MTUS2: variants seen among roughly 807,000 people sequenced by gnomAD.
MTUS2 encodes microtubule-associated tumor suppressor candidate 2.
In MTUS2, 40 loss-of-function variants were observed where a neutral mutation model predicts 114.1. That is an observed-to-expected ratio of 0.35 (90% CI 0.27 to 0.46). The LOEUF is 0.46. MTUS2 is among the 20% of genes least tolerant of loss of function. MTUS2 has a pLI of 1.00. For synonymous variants in MTUS2, 688 were observed against 672.0 expected (o/e 1.02, Z -0.37); for missense variants, 1,679 against 1,705.4 (o/e 0.98, Z 0.27).
At chr13:29,343,040 A>G (rs949412846) in intron 7 of MTUS2, among the ~76,000 whole-genome samples, 3 of 151,892 alleles carry the variant, frequency 2.0e-5, no homozygotes, top group Non-Finnish European at 2.9e-5. Context: ...CCTTTTTTAT[A>G]TGCTGTTGGA....
intron 7 of MTUS2, among the ~76,000 whole-genome samples, chr13:29,358,218 T>G (rs2138219874): frequency 6.6e-6 from 1 of 152,354 alleles, no homozygotes; most frequent in South Asian, 2.1e-4. Context: ...ATCCCAGGTC[T>G]GTCTGTGCCT....
intron 2 of MTUS2, among the ~76,000 whole-genome samples, chr13:28,854,958 C>T (rs1876527283): frequency 6.6e-6 from 1 of 152,260 alleles, no homozygotes; most frequent in South Asian, 2.1e-4. Flanking sequence ...CTCCTTTTGT[C>T]CCTTTAGCTC....
intron 10 of MTUS2, among the ~76,000 whole-genome samples, chr13:29,481,409 C>T (rs1181777288): frequency 2.6e-5 from 4 of 152,060 alleles, no homozygotes; most frequent in Non-Finnish European, 5.9e-5. Context: ...TTTCTTTTCT[C>T]TTGTTTCTAA....
At chr13:29,349,481 AT>A (rs1300179972) in intron 7 of MTUS2, among the ~76,000 whole-genome samples, 3 of 151,910 alleles carry the variant, frequency 2.0e-5, no homozygotes, top group Non-Finnish European at 2.9e-5. Flanking sequence ...CATTTTTAGT[AT>A]TTTTTATTTC....
chr13:29,411,296 A>G (rs1875219618), intron 8 of MTUS2, among the ~76,000 whole-genome samples: 1 of 152,138 alleles, frequency 6.6e-6, no homozygotes, highest in Non-Finnish European at 1.5e-5. Flanking sequence ...TCTTTATTCA[A>G]ATGGCTACCC....
At position 29,375,558 on chromosome 13, in the gene MTUS2, CGTATATATATATAT is replaced by C; in HGVS notation, c.3117+16086_3117+16099del. Among the ~76,000 whole-genome samples, 2 of 3,492 alleles carry C rather than the reference CGTATATATATATAT, an allele frequency of 5.7e-4. 1 individual carries two copies. The highest frequency in any genetic ancestry group is 2.0e-3 in the African/African-American group (2 of 1,022). The allele number at this position is 3,492 out of a possible 152,430, so 2.3% of individuals were successfully genotyped here. The stretch of plus-strand genomic sequence containing the variant: ...ATATACGTGTATATATATATATATA[CGTATATATATATAT>C]ACATATATATATATACGTATATATA... On this transcript the variant is annotated intron_variant, in intron 8 of 15. Coordinates refer to ENST00000612955, the MANE Select transcript of MTUS2 (RefSeq NM_001033602.4).
At chr13:28,850,190 A>G (rs1341971525) in intron 2 of MTUS2, among the ~76,000 whole-genome samples, 1 of 152,248 alleles carries the variant, frequency 6.6e-6, no homozygotes, top group Admixed American at 6.5e-5. Flanking sequence ...GGACAAAGAA[A>G]GAGACCTGAA....
rs1845779 is a variant in MTUS2, at chr13:28,907,844, C to T, written c.-243+67994C>T. The stretch of plus-strand genomic sequence containing the variant: ...CCACTGTCAACATTAGACAGATAAT[C>T]GAGACAGAAAGTTGACAGTTCTTTT... On this transcript the variant is annotated intron_variant, in intron 2 of 15. Coordinates refer to ENST00000612955, the MANE Select transcript of MTUS2 (RefSeq NM_001033602.4). Among the ~76,000 whole-genome samples, 43 of 151,536 alleles carry T rather than the reference C, an allele frequency of 2.8e-4. 1 individual carries two copies. Among genetic ancestry groups the T allele is most frequent in the African/African-American group, 9.7e-4 (40 of 41,154 alleles).
At chr13:29,319,211 G>C (rs1900148668) in intron 6 of MTUS2, among the ~76,000 whole-genome samples, 2 of 152,166 alleles carry the variant, frequency 1.3e-5, no homozygotes, top group African/African-American at 4.8e-5. Flanking sequence ...TTTCATATTA[G>C]AGAAACCTAA....
chr13:29,290,618 C>T (rs543132740), intron 6 of MTUS2, among the ~76,000 whole-genome samples: 1 of 152,292 alleles, frequency 6.6e-6, no homozygotes, highest in East Asian at 1.9e-4. Context: ...GCGTTAACCA[C>T]CACGCCTGGC....
At chr13:29,033,310 G>A (rs1052649288) in intron 3 of MTUS2, among the ~76,000 whole-genome samples, 1 of 152,074 alleles carries the variant, frequency 6.6e-6, no homozygotes, top group Non-Finnish European at 1.5e-5. Flanking sequence ...TTTTAACTAG[G>A]TAAACACATA....
At chr13:29,032,582 G>T (rs1252323584) in intron 3 of MTUS2, among the ~76,000 whole-genome samples, 1 of 152,154 alleles carries the variant, frequency 6.6e-6, no homozygotes, top group African/African-American at 2.4e-5. Context: ...AATATAATTT[G>T]CTATAGCCAA....
chr13:29,323,717 A>C (rs1255188623), intron 6 of MTUS2, among the ~76,000 whole-genome samples: 2 of 152,216 alleles, frequency 1.3e-5, no homozygotes, highest in East Asian at 3.8e-4. Flanking sequence ...ATCTGGGAGA[A>C]TAAACACAAA....
At chr13:29,319,344 G>A (rs1456620881) in intron 6 of MTUS2, among the ~76,000 whole-genome samples, 3 of 152,112 alleles carry the variant, frequency 2.0e-5, no homozygotes, top group Non-Finnish European at 4.4e-5. Context: ...GACTTCAACC[G>A]CAGCGGCAGG....
rs1174470038 is a variant in MTUS2, at chr13:29,440,042, T to C, written c.3177T>C (p.Asp1059=). ...ELSIELANIR[D]EVAFHTAKCE... ...CAATCGAACTTGCAAACATCAGGGA[T>C]GAAGTTGGTAAGTAGGGCATTGACA... is the stretch of plus-strand genomic sequence containing the variant. The change falls in exon 9 of 16, where the codon GAT becomes GAC. Residue 1059 remains aspartate (D), a synonymous_variant. Transcript: ENST00000612955. 4 of 1,583,556 alleles carry C rather than the reference T, an allele frequency of 2.5e-6. No homozygotes were observed. The highest frequency in any genetic ancestry group is 1.2e-5 in the South Asian group (1 of 86,412).
chr13:29,190,664 G>T (rs1042822124), intron 5 of MTUS2, among the ~76,000 whole-genome samples: 1 of 129,906 alleles, frequency 7.7e-6, no homozygotes, highest in African/African-American at 3.0e-5. Context: ...ACTGTGTAGA[G>T]AGAAGACGTA....
At chr13:29,021,871 T>G (rs1325531988) in intron 2 of MTUS2, among the ~76,000 whole-genome samples, 1 of 152,150 alleles carries the variant, frequency 6.6e-6, no homozygotes, top group African/African-American at 2.4e-5. Context: ...GTGATCAGGG[T>G]ATGAGCAACT....
chr13:29,388,707 T>A (rs990939382), intron 8 of MTUS2, among the ~76,000 whole-genome samples: 5 of 151,880 alleles, frequency 3.3e-5, no homozygotes, highest in African/African-American at 1.2e-4. Flanking sequence ...ATAAAAAAAA[T>A]TAAGCCAACT....
At chr13:29,434,773 C>T (rs1359801228) in intron 8 of MTUS2, among the ~76,000 whole-genome samples, 1 of 152,218 alleles carries the variant, frequency 6.6e-6, no homozygotes, top group Non-Finnish European at 1.5e-5. Flanking sequence ...GTTAAAATAA[C>T]AGAGTATGGC....
Sources: allele counts gnomAD v4.1 joint callset (sites outside exome capture counted in the v4.1 genomes callset), GRCh38; gene constraint gnomAD v4.1.1; transcripts MANE v1.5; gene names NCBI Gene and HGNC (gene_info 2026-07-23, HGNC 2026-07-21).